EVC2: variants seen among roughly 807,000 people sequenced by gnomAD.
EVC2 encodes EvC ciliary complex subunit 2.
In EVC2, 148 loss-of-function variants were observed where a neutral mutation model predicts 149.3. The observed-to-expected ratio is 0.99, with a 90% CI of 0.87 to 1.14. EVC2 has a LOEUF of 1.14. Among genes scored for constraint, EVC2 ranks in the 50% most tolerant of loss-of-function variants. EVC2 has a pLI of 0.00. For synonymous variants in EVC2, 776 were observed against 649.9 expected, an observed-to-expected ratio of 1.19 and a Z score of -2.95; for missense variants, 1,854 against 1,627.3, an observed-to-expected ratio of 1.14 and a Z score of -2.40.
chr4:5,571,274 C>T lies in EVC2; in HGVS notation c.3361-2634G>A, dbSNP rs373885812. On this transcript the variant is annotated intron_variant, in intron 19 of 21. Transcript: ENST00000344408. ...TGGAGGTTGCAGTGAGCCAAGATCG[C>T]GCCACTGCACTCCAGCCTGGGTGAC... Among the ~76,000 whole-genome samples the T allele has an allele frequency of 7.2e-5, 10 of 139,704 alleles. No individual in the cohort carries two copies. The East Asian group carries it at 9.1e-4, about 13-fold the overall frequency. The allele number at this position is 139,704 out of a possible 152,430, so 91.7% of individuals were successfully genotyped here.
chr4:5,706,445 G>GATACATAGATACATACATACATAC (rs1577281809), intron 1 of EVC2, among the ~76,000 whole-genome samples: 1 of 25,762 alleles, frequency 3.9e-5, no homozygotes, highest in Admixed American at 4.5e-4. Flanking sequence ...TAGATAGATA[G>GATACATAGATACATACATACATAC]ATACATACAT....
chr4:5,570,188 C>T (rs1722561736), intron 19 of EVC2, among the ~76,000 whole-genome samples: 1 of 152,172 alleles, frequency 6.6e-6, no homozygotes, highest in Admixed American at 6.5e-5. Flanking sequence ...GCTTCTCTGT[C>T]CCCAGCACTT....
the EVC2 span, among the ~76,000 whole-genome samples, chr4:5,536,785 A>G: frequency 6.7e-6 from 1 of 149,208 alleles, no homozygotes; most frequent in African/African-American, 2.5e-5. Context: ...CTCTGTCTCA[A>G]AAAAAAAAAA....
chr4:5,617,319 A>T (rs13138125), intron 15 of EVC2, among the ~76,000 whole-genome samples: 31,054 of 152,134 alleles, frequency 0.2, 4,147 homozygotes, highest in East Asian at 0.6. Context: ...ATGGGACACC[A>T]TATTACCTCT....
intron 1 of EVC2, among the ~76,000 whole-genome samples, chr4:5,704,880 T>C (rs1272355140): frequency 6.6e-6 from 1 of 151,778 alleles, no homozygotes; most frequent in South Asian, 2.1e-4. Context: ...TATATATATA[T>C]ATATGTTTTG....
chr4:5,696,168 G>A lies in EVC2; in HGVS notation c.283+1425C>T, dbSNP rs1476434155. ...CCCCAGCACAGCACCCTGGGCCAGG[G>A]CACAAATGCTTGTGCAGCAAGCAAC... On this transcript the variant is annotated intron_variant, in intron 2 of 21. Coordinates refer to ENST00000344408, the MANE Select transcript of EVC2 (RefSeq NM_147127.5). This position sits in a 1 kb window ranked among gnomAD's most constrained non-coding sequence, Gnocchi z 4.1. 2.6e-5 allele frequency among the ~76,000 whole-genome samples: 4 copies of A among 152,288 alleles called. No individual in the cohort carries two copies. The highest frequency in any genetic ancestry group is 9.6e-5 in the African/African-American group (4 of 41,562).
chr4:5,703,792 T>C lies in EVC2; in HGVS notation c.228+4494A>G, dbSNP rs183881563. 1.1e-4 allele frequency among the ~76,000 whole-genome samples: 17 copies of C among 152,132 alleles called. No homozygotes were observed. In the East Asian group the frequency reaches 3.1e-3, roughly 28 times the overall value. ...AAACAAAACAGTAACATACCATATA[T>C]AGTATATTAGAAGGTGATAAGAACA... On this transcript the variant is annotated intron_variant, in intron 1 of 21. Coordinates refer to ENST00000344408, the MANE Select transcript of EVC2 (RefSeq NM_147127.5).
chr4:5,564,720 C>T (rs948741526), intron 21 of EVC2, among the ~76,000 whole-genome samples: 5 of 152,210 alleles, frequency 3.3e-5, no homozygotes, highest in Non-Finnish European at 7.3e-5. Flanking sequence ...CTCTGCCCCT[C>T]ACTTCCCTCT....
chr4:5,687,884 C>G (rs756730023), intron 5 of EVC2, among the ~76,000 whole-genome samples: 4 of 152,118 alleles, frequency 2.6e-5, no homozygotes, highest in Non-Finnish European at 5.9e-5. Context: ...GATTCTATCT[C>G]TACGACTCCA....
At chr4:5,529,595 T>C in the EVC2 span, among the ~76,000 whole-genome samples, 1 of 152,312 alleles carries the variant, frequency 6.6e-6, no homozygotes, top group Admixed American at 6.5e-5. The surrounding 1 kb of genome is among the most constrained non-coding windows in gnomAD (Gnocchi z 4.5). Context: ...CTCTCACTTA[T>C]TGTGGTTCTA....
chr4:5,578,995 C>T (rs1385139929), intron 17 of EVC2, among the ~76,000 whole-genome samples: 1 of 152,110 alleles, frequency 6.6e-6, no homozygotes, highest in Non-Finnish European at 1.5e-5. Flanking sequence ...GGACCCATGC[C>T]TGAATGTGTC....
At chr4:5,562,328 C>T (rs907190392), downstream of EVC2, 1 of 537,848 alleles carries the variant, frequency 1.9e-6, no homozygotes, top group South Asian at 7.8e-5. The surrounding 1 kb of genome is among the most constrained non-coding windows in gnomAD (Gnocchi z 4.3). Context: ...GCAACTGGAG[C>T]GATAGAGGGC....
chr4:5,670,635 C>A lies in EVC2; in HGVS notation c.871-4986G>T, dbSNP rs889547758. On this transcript the variant is annotated intron_variant, in intron 7 of 21. Transcript: ENST00000344408. This position sits in a 1 kb window ranked among gnomAD's most constrained non-coding sequence, Gnocchi z 5.2. ...TCATCTTCACCATCACCATCACTAC[C>A]ATCATTGTCAACATTATCAATATGC... is the stretch of plus-strand genomic sequence containing the variant. Among the ~76,000 whole-genome samples the A allele has an allele frequency of 6.6e-6, 1 of 151,968 alleles. No homozygotes were observed. Among genetic ancestry groups the A allele is most frequent in the Non-Finnish European group, 1.5e-5 (1 of 68,018 alleles).
chr4:5,660,241 C>G (rs967581412), intron 9 of EVC2, among the ~76,000 whole-genome samples: 3 of 152,216 alleles, frequency 2.0e-5, no homozygotes, highest in African/African-American at 7.2e-5. Flanking sequence ...CCTGACTCCC[C>G]TCTTGGTGCA....
In EVC2 at chr4:5,686,533, G is replaced by A. The variant is rs1056913319; in HGVS notation, c.707-1054C>T. Among the ~76,000 whole-genome samples, 42 of 152,092 alleles carry A rather than the reference G, an allele frequency of 2.8e-4. No individual in the cohort carries two copies. The highest frequency in any genetic ancestry group is 9.2e-4 in the African/African-American group (38 of 41,394). On this transcript the variant is annotated intron_variant, in intron 5 of 21. Coordinates refer to ENST00000344408, the MANE Select transcript of EVC2 (RefSeq NM_147127.5). The surrounding 1 kb of genome is among the most constrained non-coding windows in gnomAD (Gnocchi z 5.4). The stretch of plus-strand genomic sequence containing the variant: ...CCAGCTGATCTCCACACACTGCCCC[G>A]AGATGGATGGAGAACACGTGATTTT...
intron 3 of EVC2, 72 bp from the exon 4 acceptor site, chr4:5,691,405 G>T: frequency 7.7e-7 from 1 of 1,296,716 alleles, no homozygotes; most frequent in Non-Finnish European, 1.1e-6. Context: ...AAAAGTACAA[G>T]ATAATGAAAT....
chr4:5,597,299 A>C (rs1270889973), intron 16 of EVC2, among the ~76,000 whole-genome samples: 1 of 152,234 alleles, frequency 6.6e-6, no homozygotes, highest in Non-Finnish European at 1.5e-5. Context: ...CTTGATGAAC[A>C]TTGATGCAAA....
chr4:5,634,532 C>G (rs1418658728), intron 10 of EVC2, among the ~76,000 whole-genome samples: 1 of 152,200 alleles, frequency 6.6e-6, no homozygotes, highest in East Asian at 1.9e-4. Context: ...GACACACACA[C>G]AAATCCTAAA....
intron 11 of EVC2, 23 bp downstream of exon 11, chr4:5,631,770 T>A (rs767499069): frequency 6.2e-7 from 1 of 1,612,372 alleles, no homozygotes; most frequent in South Asian, 1.1e-5. Context: ...TACTTTTCCA[T>A]CACAGCGAGG....
Sources: allele counts gnomAD v4.1 joint callset (sites outside exome capture counted in the v4.1 genomes callset), GRCh38; gene constraint gnomAD v4.1.1; non-coding constraint Gnocchi (gnomAD v3.1); transcripts MANE v1.5; gene names NCBI Gene and HGNC (gene_info 2026-07-23, HGNC 2026-07-21).